TEX22: variants seen among roughly 807,000 people sequenced by gnomAD.
The protein encoded by TEX22 is testis expressed 22, also known as testis-expressed protein 22.
In TEX22, 16 loss-of-function variants were observed where a neutral mutation model predicts 11.3. That is an observed-to-expected ratio of 1.42 (90% CI 0.96 to 2.15). The LOEUF (loss-of-function observed/expected upper bound fraction) is 2.15. TEX22 is among the 30% of genes most tolerant of loss of function. TEX22 has a pLI of 0.00. For synonymous variants in TEX22, 97 were observed against 92.3 expected, an observed-to-expected ratio of 1.05 and a Z score of -0.29; for missense variants, 220 against 208.6, an observed-to-expected ratio of 1.05 and a Z score of -0.34.
At chr14:105,406,716 G>T (rs2081660538) in intron 2 of TEX22, among the ~76,000 whole-genome samples, 1 of 151,216 alleles carries the variant, frequency 6.6e-6, no homozygotes, top group Non-Finnish European at 1.5e-5. Flanking sequence ...CAGTGAAAAA[G>T]TTGGCAAAAA....
At chr14:105,401,387 A>G (rs1284149041) in intron 2 of TEX22, among the ~76,000 whole-genome samples, 1 of 152,174 alleles carries the variant, frequency 6.6e-6, no homozygotes, top group Admixed American at 6.5e-5. Context: ...CTTAAGAACA[A>G]AAGAAGTCGC....
At position 105,411,762 on chromosome 14, in the gene TEX22, G is replaced by C; in HGVS notation, c.382G>C (p.Ala128Pro). The C allele has an allele frequency of 6.6e-7, 1 of 1,512,326 alleles. No individual in the cohort carries two copies. Among genetic ancestry groups the C allele is most frequent in the Non-Finnish European group, 8.8e-7 (1 of 1,134,804 alleles). 93.7% of individuals were successfully genotyped at this position (1,512,326 alleles called of 1,614,324 possible). The change falls in exon 4 of 4, where the codon GCC (alanine) becomes CCC (proline). Residue 128 changes from alanine to proline, a missense_variant. By Grantham distance (27) the Ala-to-Pro change is conservative (BLOSUM62 -1). Coordinates refer to ENST00000451127, the MANE Select transcript of TEX22 (RefSeq NM_001195082.2). ...CACCGAGTCCACCAACGCCTTCCAG[G>C]CCTTCCTGGCGCGCAGTGCGCCTTT... ...RSTESTNAFQ[A>P]FLARSAPFWH...
intron 1 of TEX22, among the ~76,000 whole-genome samples, chr14:105,398,903 G>A (rs1555418019): frequency 6.6e-6 from 1 of 152,254 alleles, no homozygotes; most frequent in Non-Finnish European, 1.5e-5. Flanking sequence ...GCGGGGCTGT[G>A]GCAAGAGCTC....
At chr14:105,399,019 G>A (rs2081606035) in intron 1 of TEX22, among the ~76,000 whole-genome samples, 1 of 152,264 alleles carries the variant, frequency 6.6e-6, no homozygotes, top group Non-Finnish European at 1.5e-5. Context: ...GGCTGGCAGA[G>A]GCGTGGAGTC....
chr14:105,408,699 C>T (rs2081671899), intron 2 of TEX22, among the ~76,000 whole-genome samples: 1 of 152,182 alleles, frequency 6.6e-6, no homozygotes, highest in Admixed American at 6.5e-5. Flanking sequence ...GCTGGGATTA[C>T]AGGCGTGAGC....
At chr14:105,400,351 T>G (rs2081620363) in intron 2 of TEX22, among the ~76,000 whole-genome samples, 1 of 152,184 alleles carries the variant, frequency 6.6e-6, no homozygotes, top group African/African-American at 2.4e-5. Context: ...TATGATGGTG[T>G]CAGGTGCTGG....
At chr14:105,403,058 A>G (rs1432919137) in intron 2 of TEX22, among the ~76,000 whole-genome samples, 1 of 152,158 alleles carries the variant, frequency 6.6e-6, no homozygotes, top group Non-Finnish European at 1.5e-5. Flanking sequence ...TCATTTATTG[A>G]AAGCCGCTCC....
At position 105,399,372 on chromosome 14, in the gene TEX22, A is replaced by G. The variant is rs868942330; in HGVS notation, c.32A>G (p.Lys11Arg). 5 of 1,535,546 alleles carry G rather than the reference A, an allele frequency of 3.3e-6. No individual in the cohort carries two copies. The African/African-American group carries it at 5.5e-5, about 17-fold the overall frequency. MDSRKLSPRGKKLESHLSQEH... is the reference protein window; with the variant it reads MDSRKLSPRGRKLESHLSQEH... ...AGCAGGAAACTGTCCCCCCGGGGGA[A>G]GAAGCTGGAGTCGCACCTCTCCCAA... The change falls in exon 2 of 4, where the codon AAG (lysine) becomes AGG (arginine). Residue 11 changes from lysine to arginine, a missense_variant. Coordinates refer to ENST00000451127, the MANE Select transcript of TEX22 (RefSeq NM_001195082.2).
In TEX22 at chr14:105,413,186, C is replaced by T. The variant is rs1470789599; in HGVS notation, c.*1353C>T. 2.0e-5 allele frequency: 3 copies of T among 152,328 alleles called. No homozygotes were observed. Among genetic ancestry groups the T allele is most frequent in the African/African-American group, 7.2e-5 (3 of 41,414 alleles). The allele number at this position is 152,328 out of a possible 1,614,324, so 9.4% of individuals were successfully genotyped here. On this transcript the variant is annotated 3_prime_UTR_variant, in exon 4 of 4. Transcript: ENST00000451127. This position sits in a 1 kb window ranked among gnomAD's most constrained non-coding sequence, Gnocchi z 4.2. ...TAGGGTAGGTGGATGGAGGGCAGAT[C>T]CTCCAGGGGCTAGGGCAGGTGTCCT... is the stretch of plus-strand genomic sequence containing the variant.
intron 2 of TEX22, among the ~76,000 whole-genome samples, chr14:105,404,702 C>T (rs1162649328): frequency 6.6e-6 from 1 of 151,318 alleles, no homozygotes; most frequent in African/African-American, 2.4e-5. Flanking sequence ...AATAGCAGGC[C>T]CAGCAAAAAT....
At chr14:105,406,690 AAG>A (rs1204653383) in intron 2 of TEX22, among the ~76,000 whole-genome samples, 9 of 152,120 alleles carry the variant, frequency 5.9e-5, no homozygotes, top group Non-Finnish European at 1.3e-4. Flanking sequence ...AAAAAAAAAA[AAG>A]GAACTAAATG....
At chr14:105,405,795 A>G (rs2081655759) in intron 2 of TEX22, among the ~76,000 whole-genome samples, 1 of 152,278 alleles carries the variant, frequency 6.6e-6, no homozygotes. Flanking sequence ...TATTCATTAA[A>G]GTATAATTTG....
chr14:105,399,746 G>C (rs1488908058), intron 2 of TEX22, among the ~76,000 whole-genome samples: 1 of 152,198 alleles, frequency 6.6e-6, no homozygotes. Flanking sequence ...TCCAAGGCCA[G>C]GAAGGAGGCA....
At chr14:105,401,810 G>C (rs1555418372) in intron 2 of TEX22, among the ~76,000 whole-genome samples, 1 of 152,182 alleles carries the variant, frequency 6.6e-6, no homozygotes, top group South Asian at 2.1e-4. Flanking sequence ...TAGCCTGACG[G>C]AGGGGAGCTC....
chr14:105,408,454 C>T (rs947542896), intron 2 of TEX22, among the ~76,000 whole-genome samples: 13 of 151,444 alleles, frequency 8.6e-5, no homozygotes, highest in Admixed American at 2.0e-4. Context: ...GACAGAGTCT[C>T]GCTCCATCAC....
chr14:105,399,846 G>T (rs182695141), intron 2 of TEX22, among the ~76,000 whole-genome samples: 1 of 152,186 alleles, frequency 6.6e-6, no homozygotes, highest in Non-Finnish European at 1.5e-5. Context: ...GTCCCCAGGG[G>T]GGGTGGTGTC....
At chr14:105,399,539 G>A (rs1012387432) in intron 2 of TEX22, 49 bp downstream of exon 2, 35 of 1,476,384 alleles carry the variant, frequency 2.4e-5, no homozygotes, top group African/African-American at 1.5e-4. Context: ...TCCCCAGCCC[G>A]CCTGAGGCCG....
Position 105,412,080 on chromosome 14 carries a change from G to T in TEX22, c.*247G>T. 8.1e-6 allele frequency: 3 copies of T among 371,036 alleles called. No individual in the cohort carries two copies. The highest frequency in any genetic ancestry group is 1.4e-5 in the Non-Finnish European group (3 of 207,948). 23.0% of individuals were successfully genotyped at this position (371,036 alleles called of 1,614,324 possible). On this transcript the variant is annotated 3_prime_UTR_variant, in exon 4 of 4. Coordinates refer to ENST00000451127, the MANE Select transcript of TEX22 (RefSeq NM_001195082.2). The surrounding 1 kb of genome is among the most constrained non-coding windows in gnomAD (Gnocchi z 5.8). Reference sequence around the variant, plus strand: ...CCCGGGTCAGTCTGAGAGGGCCCTGGCAAGGCCTGGGTAGCAGGAGCTTGC... The same window carrying T: ...CCCGGGTCAGTCTGAGAGGGCCCTGTCAAGGCCTGGGTAGCAGGAGCTTGC...
intron 2 of TEX22, among the ~76,000 whole-genome samples, chr14:105,400,469 C>A (rs750040574): frequency 6.6e-6 from 1 of 152,054 alleles, no homozygotes; most frequent in East Asian, 1.9e-4. Context: ...TAGTGAGGGC[C>A]GCTCAGGAGG....
Sources: allele counts gnomAD v4.1 joint callset (sites outside exome capture counted in the v4.1 genomes callset), GRCh38; gene constraint gnomAD v4.1.1; non-coding constraint Gnocchi (gnomAD v3.1); transcripts MANE v1.5; gene names NCBI Gene and HGNC (gene_info 2026-07-23, HGNC 2026-07-21).